ZFAT: variants seen among roughly 807,000 people sequenced by gnomAD.
ZFAT encodes the protein zinc finger protein ZFAT.
A neutral mutation model predicts 117.7 loss-of-function variants in ZFAT; 64 were observed. That is an observed-to-expected ratio of 0.54 (90% CI 0.44 to 0.67). The LOEUF (loss-of-function observed/expected upper bound fraction) is 0.67. Among genes scored for constraint, ZFAT ranks in the 30% least tolerant of loss-of-function variants. The pLI is 0.00. For synonymous variants in ZFAT, 679 were observed against 615.0 expected, an observed-to-expected ratio of 1.10 and a Z score of -1.54; for missense variants, 1,433 against 1,584.5, an observed-to-expected ratio of 0.90 and a Z score of 1.62.
At chr8:134,701,322 G>A (rs535587587) in intron 1 of ZFAT, among the ~76,000 whole-genome samples, 16 of 152,180 alleles carry the variant, frequency 1.1e-4, no homozygotes, top group Non-Finnish European at 1.8e-4. Context: ...TGGCCTCAAG[G>A]TTCATCATGT....
At chr8:134,699,535 G>A (rs1833956713) in intron 1 of ZFAT, among the ~76,000 whole-genome samples, 1 of 152,104 alleles carries the variant, frequency 6.6e-6, no homozygotes, top group Non-Finnish European at 1.5e-5. Flanking sequence ...AATGAGGTAG[G>A]GTGGGAAGAG....
chr8:134,644,198 A>G (rs1830744181), intron 2 of ZFAT, among the ~76,000 whole-genome samples: 1 of 152,120 alleles, frequency 6.6e-6, no homozygotes, highest in South Asian at 2.1e-4. Flanking sequence ...CAGCCCCAGC[A>G]CCTAGCACAG....
At chr8:134,523,526 T>C (rs1820811530) in intron 12 of ZFAT, among the ~76,000 whole-genome samples, 1 of 152,160 alleles carries the variant, frequency 6.6e-6, no homozygotes, top group Admixed American at 6.5e-5. Flanking sequence ...TATCCTCCAC[T>C]GTTGGTCCAC....
At chr8:134,531,782 G>A (rs1184321298) in intron 12 of ZFAT, among the ~76,000 whole-genome samples, 4 of 152,216 alleles carry the variant, frequency 2.6e-5, no homozygotes, top group Admixed American at 2.6e-4. Context: ...CTATTTCCGT[G>A]CATCAGCCCT....
chr8:134,605,273 G>T (rs999107339), intron 5 of ZFAT, among the ~76,000 whole-genome samples: 1 of 152,214 alleles, frequency 6.6e-6, no homozygotes, highest in African/African-American at 2.4e-5. Context: ...CCGGCCAGGC[G>T]CAGTGGCTCA....
At chr8:134,512,450 G>T in intron 14 of ZFAT, 25 bp downstream of exon 14, 1 of 1,610,762 alleles carries the variant, frequency 6.2e-7, no homozygotes, top group Non-Finnish European at 8.5e-7. Flanking sequence ...TTCTGAGATG[G>T]CAAAGGAAGA....
rs150222114 is a variant in ZFAT at position 134,490,317 on chromosome 8, G to C, written c.3493-11596C>G. Reference sequence around the variant, plus strand: ...CAGCTTAGAGTTCACTGAAAAGAGGGACAAAGTCCCATCCCAATCTCTTCC... The same window carrying C: ...CAGCTTAGAGTTCACTGAAAAGAGGCACAAAGTCCCATCCCAATCTCTTCC... On this transcript the variant is annotated intron_variant, in intron 15 of 15. Transcript: ENST00000377838. 4.4e-3 allele frequency among the ~76,000 whole-genome samples: 668 copies of C among 152,266 alleles called. 2 individuals carry two copies. The highest frequency in any genetic ancestry group is 5.5e-3 in the Non-Finnish European group (372 of 68,020).
intron 10 of ZFAT, among the ~76,000 whole-genome samples, chr8:134,581,098 G>A (rs1014375559): frequency 7.9e-5 from 12 of 152,030 alleles, no homozygotes; most frequent in African/African-American, 2.9e-4. Context: ...ATAAGCAAGA[G>A]ATGTAAATAA....
At chr8:134,817,749 T>G in the ZFAT span, among the ~76,000 whole-genome samples, 1 of 152,024 alleles carries the variant, frequency 6.6e-6, no homozygotes, top group East Asian at 1.9e-4. Context: ...AAAATAACTT[T>G]GAAAAAAAGA....
At chr8:134,531,978 T>G (rs1240615863) in intron 12 of ZFAT, among the ~76,000 whole-genome samples, 1 of 152,250 alleles carries the variant, frequency 6.6e-6, no homozygotes, top group Non-Finnish European at 1.5e-5. Context: ...CAGCTTCAAA[T>G]AGTCACAGGA....
At chr8:134,683,607 C>G (rs1343570481) in intron 1 of ZFAT, among the ~76,000 whole-genome samples, 1 of 152,096 alleles carries the variant, frequency 6.6e-6, no homozygotes, top group Non-Finnish European at 1.5e-5. Context: ...AGAGCCTTGC[C>G]TGTTGGAAGA....
At chr8:134,682,135 T>C (rs1276022647) in intron 1 of ZFAT, among the ~76,000 whole-genome samples, 2 of 152,218 alleles carry the variant, frequency 1.3e-5, no homozygotes, top group Non-Finnish European at 2.9e-5. Flanking sequence ...ACCCTCACCA[T>C]GAGCTGGCAC....
chr8:134,639,973 G>A, intron 2 of ZFAT: 1 of 353,346 alleles, frequency 2.8e-6, no homozygotes, highest in South Asian at 2.1e-5. Context: ...CTTGGCTACA[G>A]GGAGGTGATT....
At chr8:134,651,815 T>A (rs1014216634) in intron 2 of ZFAT, among the ~76,000 whole-genome samples, 2 of 152,110 alleles carry the variant, frequency 1.3e-5, no homozygotes, top group Non-Finnish European at 2.9e-5. Flanking sequence ...TGTAAAAATG[T>A]ACTTAATCCT....
intron 11 of ZFAT, among the ~76,000 whole-genome samples, chr8:134,541,163 T>C (rs1308688616): frequency 6.6e-6 from 1 of 152,196 alleles, no homozygotes; most frequent in African/African-American, 2.4e-5. Context: ...CCTCCAGAAC[T>C]CATACTGAAA....
chr8:134,602,678 T>G lies in ZFAT; in HGVS notation c.1041A>C (p.Arg347=). The part of the protein sequence containing the change: ...SKGHLKVHIE[R]VHKKIKQHCR... ...AGTGCTGCTTGATCTTCTTGTGCAC[T>G]CGCTCGATGTGCACCTTGAGGTGGC... Residue 347 remains arginine, a synonymous_variant, in exon 6 of 16, where the codon CGA becomes CGC. Coordinates refer to ENST00000377838, the MANE Select transcript of ZFAT (RefSeq NM_020863.4). 6.2e-7 allele frequency: 1 copy of G among 1,614,186 alleles called. No homozygotes were observed. Among genetic ancestry groups the G allele is most frequent in the Non-Finnish European group, 8.5e-7 (1 of 1,180,022 alleles).
At chr8:134,668,379 T>C (rs7003302) in intron 1 of ZFAT, among the ~76,000 whole-genome samples, 136,348 of 152,226 alleles carry the variant, frequency 0.9, 61,301 homozygotes, top group African/African-American at 0.94. Flanking sequence ...ACACCTCACA[T>C]AGCTGGGTAC....
chr8:134,726,995 A>G, the ZFAT span, among the ~76,000 whole-genome samples: 1 of 152,042 alleles, frequency 6.6e-6, no homozygotes, highest in African/African-American at 2.4e-5. Flanking sequence ...CCATCTGACC[A>G]TTACCTGATG....
At chr8:134,721,249 T>TCTGCTGAGCAACCAGTCAGCGTG in the ZFAT span, among the ~76,000 whole-genome samples, 1 of 152,190 alleles carries the variant, frequency 6.6e-6, no homozygotes, top group Non-Finnish European at 1.5e-5. Context: ...TCCCAGGGTT[T>TCTGCTGAGCAACCAGTCAGCGTG]CTGCTGAGCA....
Sources: gnomAD v4.1 joint callset for allele counts (sites outside exome capture counted in the v4.1 genomes callset) on GRCh38, gnomAD v4.1.1 for gene constraint, MANE v1.5 for transcripts, NCBI Gene and HGNC (gene_info 2026-07-23, HGNC 2026-07-21) for gene names.